Variants in DAPP1 observed in about 807,000 individuals in gnomAD.
DAPP1 encodes the protein dual adaptor of phosphotyrosine and 3-phosphoinositides 1.
A neutral mutation model predicts 41.5 loss-of-function variants in DAPP1; 20 were observed. The observed-to-expected ratio is 0.48, with a 90% CI of 0.34 to 0.70. The LOEUF (loss-of-function observed/expected upper bound fraction) is 0.70. Among genes scored for constraint, DAPP1 ranks in the 30% least tolerant of loss-of-function variants. The pLI, the probability that DAPP1 is intolerant of heterozygous loss-of-function variation, is 0.01. For missense variants in DAPP1, 233 were observed against 333.4 expected, an observed-to-expected ratio of 0.70 and a Z score of 2.35; for synonymous variants, 113 against 116.2, an observed-to-expected ratio of 0.97 and a Z score of 0.18.
chr4:99,824,853 G>A lies in DAPP1; in HGVS notation c.101+7839G>A, dbSNP rs367706835. ...TGTTCCCTGAGCCTCAGTTACTGGAGAGCAGTGGTGCTTTTTTGGTCTTGC... is the reference window on the plus strand; with the variant it reads ...TGTTCCCTGAGCCTCAGTTACTGGAAAGCAGTGGTGCTTTTTTGGTCTTGC... On this transcript the variant is annotated intron_variant, in intron 1 of 8. Transcript: ENST00000512369. Among the ~76,000 whole-genome samples, 4 of 152,218 alleles carry A rather than the reference G, an allele frequency of 2.6e-5. No individual in the cohort carries two copies. In the East Asian group the frequency reaches 7.7e-4, roughly 29 times the overall value.
chr4:99,866,145 T>A, intron 8 of DAPP1, 24 bp downstream of exon 8: 2 of 1,254,574 alleles, frequency 1.6e-6, no homozygotes, highest in African/African-American at 1.5e-5. Flanking sequence ...AGCCTTCAGA[T>A]GTCAAGTCTT....
rs6532834 is a variant in DAPP1 at position 99,869,171 on chromosome 4, G to A, written c.*986G>A. 0.27 allele frequency: 41,620 copies of A among 151,990 alleles called. 6,255 individuals carry two copies. Among genetic ancestry groups the A allele is most frequent in the African/African-American group, 0.39 (16,284 of 41,438 alleles). 9.4% of individuals were successfully genotyped at this position (151,990 alleles called of 1,614,324 possible). ...TCTCGCATTGCTCCCTAAGCACCCT[G>A]GGCCTTATTAAAGAGCAACTTCTAT... On this transcript the variant is annotated 3_prime_UTR_variant, in exon 9 of 9. Transcript: ENST00000512369.
chr4:99,853,063 A>G (rs2110158348), intron 3 of DAPP1, among the ~76,000 whole-genome samples, 155 bp from the exon 4 acceptor site: 1 of 152,316 alleles, frequency 6.6e-6, no homozygotes, highest in South Asian at 2.1e-4. Flanking sequence ...TAAGTGCCTT[A>G]TACCTAATTG....
chr4:99,820,769 C>G (rs1722748207), intron 1 of DAPP1, among the ~76,000 whole-genome samples: 1 of 152,178 alleles, frequency 6.6e-6, no homozygotes, highest in Non-Finnish European at 1.5e-5. Context: ...TGTGCAAAAA[C>G]TACCAGAGAA....
chr4:99,841,756 A>T (rs142342769), intron 3 of DAPP1, among the ~76,000 whole-genome samples: 2 of 152,274 alleles, frequency 1.3e-5, no homozygotes, highest in African/African-American at 4.8e-5. Context: ...TTTGTATTTC[A>T]TATCCGCCAG....
At chr4:99,857,031 C>T (rs888944628) in intron 4 of DAPP1, among the ~76,000 whole-genome samples, 2 of 152,174 alleles carry the variant, frequency 1.3e-5, no homozygotes, top group Non-Finnish European at 2.9e-5. Flanking sequence ...CTGTTAATGC[C>T]TTGCTCATAA....
intron 3 of DAPP1, among the ~76,000 whole-genome samples, chr4:99,852,261 A>T (rs1723889059): frequency 6.6e-6 from 1 of 152,232 alleles, no homozygotes; most frequent in Non-Finnish European, 1.5e-5. Flanking sequence ...AATTCTTTAC[A>T]TCTCTTCCAT....
chr4:99,850,354 G>A (rs1307546788), intron 3 of DAPP1, among the ~76,000 whole-genome samples: 2 of 151,958 alleles, frequency 1.3e-5, no homozygotes, highest in Non-Finnish European at 2.9e-5. Context: ...ACGTTGCAGT[G>A]AGCTGAGATC....
chr4:99,821,992 G>A (rs1372883681), intron 1 of DAPP1, among the ~76,000 whole-genome samples: 1 of 152,190 alleles, frequency 6.6e-6, no homozygotes, highest in Non-Finnish European at 1.5e-5. Context: ...TTACAGCGGT[G>A]TGACACTAAC....
chr4:99,818,429 A>G (rs1049439949), intron 1 of DAPP1, among the ~76,000 whole-genome samples: 12 of 152,306 alleles, frequency 7.9e-5, no homozygotes, highest in African/African-American at 2.9e-4. Context: ...AGAAAACCCC[A>G]AAGGAGGAGA....
rs1233788869 is a variant in DAPP1 at position 99,869,589 on chromosome 4, A to G, written c.*1404A>G. 2 of 152,244 alleles carry G rather than the reference A, an allele frequency of 1.3e-5. No individual in the cohort carries two copies. The highest frequency in any genetic ancestry group is 1.9e-4 in the East Asian group (1 of 5,204). 9.4% of individuals were successfully genotyped at this position (152,244 alleles called of 1,614,324 possible). A position where few individuals can be genotyped will look rare whatever the true frequency, so the allele number is the denominator to read the frequency against. On this transcript the variant is annotated 3_prime_UTR_variant, in exon 9 of 9. Coordinates refer to ENST00000512369, the MANE Select transcript of DAPP1 (RefSeq NM_014395.3). ...GTATTTTGTTATGTTTGTATTATAT[A>G]GGATAAAGCAAATGTCAAGTTAAAA...
chr4:99,828,902 GTGGGCCT>G, intron 1 of DAPP1, among the ~76,000 whole-genome samples: 1 of 152,272 alleles, frequency 6.6e-6, no homozygotes, highest in East Asian at 1.9e-4. Flanking sequence ...ATGGCAATGT[GTGGGCCT>G]TGGGGAAAAT....
At chr4:99,845,731 A>T (rs534465993) in intron 3 of DAPP1, among the ~76,000 whole-genome samples, 27 of 152,230 alleles carry the variant, frequency 1.8e-4, no homozygotes, top group Non-Finnish European at 3.7e-4. Context: ...TTGCTATTTC[A>T]GAAATTATAC....
chr4:99,830,356 C>G (rs980361832), intron 1 of DAPP1, among the ~76,000 whole-genome samples: 2 of 151,910 alleles, frequency 1.3e-5, no homozygotes, highest in African/African-American at 2.4e-5. Context: ...GTACTCCAGC[C>G]TGGGTGACAG....
intron 1 of DAPP1, among the ~76,000 whole-genome samples, chr4:99,828,452 A>G (rs1219689440): frequency 6.6e-6 from 1 of 152,220 alleles, no homozygotes; most frequent in East Asian, 1.9e-4. Context: ...GAGTCAATTC[A>G]AAAAATTTAA....
At chr4:99,854,521 G>A (rs1723977807) in intron 4 of DAPP1, among the ~76,000 whole-genome samples, 1 of 152,056 alleles carries the variant, frequency 6.6e-6, no homozygotes, top group African/African-American at 2.4e-5. Context: ...TAAAAAGAAG[G>A]CTTGCCACAT....
intron 1 of DAPP1, among the ~76,000 whole-genome samples, chr4:99,826,934 A>T (rs1722955116): frequency 6.6e-6 from 1 of 152,222 alleles, no homozygotes; most frequent in Non-Finnish European, 1.5e-5. Flanking sequence ...CTTCTATGTT[A>T]ACCTGCAGAT....
chr4:99,823,503 ATAT>A (rs1722840577), intron 1 of DAPP1, among the ~76,000 whole-genome samples: 1 of 152,208 alleles, frequency 6.6e-6, no homozygotes, highest in Non-Finnish European at 1.5e-5. Flanking sequence ...AATTGTAATC[ATAT>A]TATATGTATA....
At chr4:99,849,608 G>A (rs1391973334) in intron 3 of DAPP1, among the ~76,000 whole-genome samples, 3 of 152,156 alleles carry the variant, frequency 2.0e-5, no homozygotes, top group South Asian at 2.1e-4. Flanking sequence ...TGGCCCCGGT[G>A]GCTATTTCTC....
Sources: allele counts gnomAD v4.1 joint callset (sites outside exome capture counted in the v4.1 genomes callset), GRCh38; gene constraint gnomAD v4.1.1; transcripts MANE v1.5; gene names NCBI Gene and HGNC (gene_info 2026-07-23, HGNC 2026-07-21).